Variants in CYB5D1 observed in about 807,000 individuals in gnomAD.
CYB5D1 encodes the protein cytochrome b5 domain containing 1.
In CYB5D1, 30 loss-of-function variants were observed where a neutral mutation model predicts 24.3. The observed-to-expected ratio is 1.23, with a 90% CI of 0.92 to 1.67. CYB5D1 has a LOEUF of 1.67. Ranked by LOEUF, CYB5D1 falls within the 40% of genes most tolerant of loss-of-function variation. The probability of loss-of-function intolerance (pLI) is 0.00; values close to 1 mark genes in which losing one functional copy is unlikely to be tolerated. For synonymous variants in CYB5D1, 128 were observed against 123.2 expected, an observed-to-expected ratio of 1.04 and a Z score of -0.26; for missense variants, 265 against 296.7, an observed-to-expected ratio of 0.89 and a Z score of 0.79.
At position 7,861,272 on chromosome 17, in the gene CYB5D1, T is replaced by C. The variant is rs1279100873; in HGVS notation, c.*1660T>C. The C allele has an allele frequency of 2.6e-5, 4 of 152,088 alleles. No individual in the cohort carries two copies. The highest frequency in any genetic ancestry group is 5.9e-5 in the Non-Finnish European group (4 of 68,022). The allele number at this position is 152,088 out of a possible 1,614,324, so 9.4% of individuals were successfully genotyped here. On this transcript the variant is annotated 3_prime_UTR_variant, in exon 4 of 4. Coordinates refer to ENST00000332439, the MANE Select transcript of CYB5D1 (RefSeq NM_144607.6). ...GCCCCTGTGAGATACTGGTGGGCTA[T>C]ATAGGCATTTTCTGAGGGGCTTTGG...
Position 7,858,144 on chromosome 17 carries a change from CGG to C in CYB5D1, c.13_14del (p.Gly5ProfsTer24). The part of the protein sequence containing the change: MPR[R>X]GLVAGPDLEY... ...CGACAGAGCAAGAGCCATGCCGCGC[CGG>C]GGCCTGGTGGCTGGGCCAGACTTGG... On this transcript the variant is annotated frameshift_variant, in exon 1 of 4. Transcript: ENST00000332439. LOFTEE classifies it high-confidence loss of function. The C allele has an allele frequency of 6.2e-7, 1 of 1,613,512 alleles. No homozygotes were observed. Among genetic ancestry groups the C allele is most frequent in the Non-Finnish European group, 8.5e-7 (1 of 1,179,920 alleles).
rs2078865332 is a variant in CYB5D1 at position 7,859,375 on chromosome 17, T to C, written c.457-7T>C. The C allele has an allele frequency of 5.0e-6, 8 of 1,611,458 alleles. No individual in the cohort carries two copies. The highest frequency in any genetic ancestry group is 6.8e-6 in the Non-Finnish European group (8 of 1,177,828). Reference sequence around the variant, plus strand: ...TTCTGGGGGTGGGGTGCTTCTGTGTTCTCCAGGTGGGGGTTCTGGAGTCCA... The same window carrying C: ...TTCTGGGGGTGGGGTGCTTCTGTGTCCTCCAGGTGGGGGTTCTGGAGTCCA... On this transcript the variant is annotated splice_polypyrimidine_tract_variant and splice_region_variant and intron_variant, in intron 3 of 3. Coordinates refer to ENST00000332439, the MANE Select transcript of CYB5D1 (RefSeq NM_144607.6).
chr17:7,859,911 A>G lies in CYB5D1; in HGVS notation c.*299A>G. The G allele has an allele frequency of 2.6e-6, 1 of 381,072 alleles. No individual in the cohort carries two copies. Among genetic ancestry groups the G allele is most frequent in the Non-Finnish European group, 4.8e-6 (1 of 206,206 alleles). The allele number at this position is 381,072 out of a possible 1,614,324, so 23.6% of individuals were successfully genotyped here. On this transcript the variant is annotated 3_prime_UTR_variant, in exon 4 of 4. Transcript: ENST00000332439. The stretch of plus-strand genomic sequence containing the variant: ...GGCAGAACTGTTTGATAGTTAAGAG[A>G]GAGTAGTTCTACAGGGGTGAGGGAT...
At position 7,858,496 on chromosome 17, in the gene CYB5D1, C is replaced by T. The variant is rs758150610; in HGVS notation, c.237+17C>T. On this transcript the variant is annotated intron_variant, in intron 2 of 3. Coordinates refer to ENST00000332439, the MANE Select transcript of CYB5D1 (RefSeq NM_144607.6). ...ACCAGAGACGTGAGTTATGCTGGAA[C>T]CTGGGATTGTGGGTAGAGGAAATGG... The T allele has an allele frequency of 6.2e-7, 1 of 1,614,160 alleles. No individual in the cohort carries two copies. Among genetic ancestry groups the T allele is most frequent in the African/African-American group, 1.3e-5 (1 of 75,046 alleles).
Position 7,859,451 on chromosome 17 carries a change from T to C in CYB5D1, c.526T>C (p.Tyr176His), listed in dbSNP as rs528064791. ...CCCCTATAACTCACATGCTGCCAGC[T>C]ACACGTGGAAATATGAAGGGAAGAA... ...YLPYNSHAAS[Y>H]TWKYEGKNLN... is the part of the protein sequence containing the mutation. The change falls in exon 4 of 4, where the codon TAC (tyrosine) becomes CAC (histidine). Residue 176 changes from tyrosine (Y) to histidine (H), a missense_variant. Coordinates refer to ENST00000332439, the MANE Select transcript of CYB5D1 (RefSeq NM_144607.6). 15 of 1,614,116 alleles carry C rather than the reference T, an allele frequency of 9.3e-6. No homozygotes were observed. In the South Asian group the frequency reaches 1.2e-4, roughly 13 times the overall value.
chr17:7,858,349 T>A (rs1327304770), intron 1 of CYB5D1, 54 bp from the exon 2 acceptor site: 2 of 1,614,030 alleles, frequency 1.2e-6, no homozygotes, highest in East Asian at 2.2e-5. Context: ...ACGCGCGCGT[T>A]TGCCTGGTTC....
At position 7,860,717 on chromosome 17, in the gene CYB5D1, T is replaced by C. The variant is rs1597874965; in HGVS notation, c.*1105T>C. 1 of 152,208 alleles carries C rather than the reference T, an allele frequency of 6.6e-6. No individual in the cohort carries two copies. Among genetic ancestry groups the C allele is most frequent in the African/African-American group, 2.4e-5 (1 of 41,434 alleles). The allele number at this position is 152,208 out of a possible 1,614,324, so 9.4% of individuals were successfully genotyped here. ...GGTCCTATTGTATAGTTTGCAGTTA[T>C]TGTCTCTGGAAGGGAGTTTGCAGAG... is the stretch of plus-strand genomic sequence containing the variant. On this transcript the variant is annotated 3_prime_UTR_variant, in exon 4 of 4. Transcript: ENST00000332439.
In CYB5D1 at chr17:7,859,972, T is replaced by C; in HGVS notation, c.*360T>C. On this transcript the variant is annotated 3_prime_UTR_variant, in exon 4 of 4. Coordinates refer to ENST00000332439, the MANE Select transcript of CYB5D1 (RefSeq NM_144607.6). Reference sequence around the variant, plus strand: ...TTTTGGCAATGATGGAAATGAGATGTCTGCAGGAAGATGGGATTTACAAAG... The same window carrying C: ...TTTTGGCAATGATGGAAATGAGATGCCTGCAGGAAGATGGGATTTACAAAG... 4.3e-6 allele frequency: 1 copy of C among 233,516 alleles called. No individual in the cohort carries two copies. Among genetic ancestry groups the C allele is most frequent in the South Asian group, 6.7e-5 (1 of 14,928 alleles). The allele number at this position is 233,516 out of a possible 1,614,324, so 14.5% of individuals were successfully genotyped here.
chr17:7,860,286 G>GGA lies in CYB5D1; in HGVS notation c.*675_*676dup, dbSNP rs2151386799. ...CTCCCATCTCTGCCTTGAGTAGCTG[G>GGA]GACTTCAGGTGCACGCCACAATGCC... On this transcript the variant is annotated 3_prime_UTR_variant, in exon 4 of 4. Transcript: ENST00000332439. The GGA allele has an allele frequency of 6.6e-6, 1 of 152,030 alleles. No individual in the cohort carries two copies. The highest frequency in any genetic ancestry group is 1.9e-4 in the East Asian group (1 of 5,172). 9.4% of individuals were successfully genotyped at this position (152,030 alleles called of 1,614,324 possible). A position where few individuals can be genotyped will look rare whatever the true frequency, so the allele number is the denominator to read the frequency against.
In CYB5D1 at chr17:7,858,130, G is replaced by A; in HGVS notation, c.-5G>A. ...AGAGATCCAGTGACCGACAGAGCAA[G>A]AGCCATGCCGCGCCGGGGCCTGGTG... On this transcript the variant is annotated 5_prime_UTR_variant, in exon 1 of 4. Coordinates refer to ENST00000332439, the MANE Select transcript of CYB5D1 (RefSeq NM_144607.6). 1 of 1,613,300 alleles carries A rather than the reference G, an allele frequency of 6.2e-7. No homozygotes were observed. The highest frequency in any genetic ancestry group is 8.5e-7 in the Non-Finnish European group (1 of 1,179,878).
rs2078886694 is a variant in CYB5D1, at chr17:7,861,998, TGCA to T, written c.*2387_*2389del. The T allele has an allele frequency of 3.3e-5, 5 of 152,362 alleles. No individual in the cohort carries two copies. Among genetic ancestry groups the T allele is most frequent in the Admixed American group, 2.6e-4 (4 of 15,298 alleles). The allele number at this position is 152,362 out of a possible 1,614,324, so 9.4% of individuals were successfully genotyped here. The stretch of plus-strand genomic sequence containing the variant: ...ACCCTCACACACTGTCCTCTCTGCC[TGCA>T]ACACTCTTCCTTTCACTTTCCACCT... On this transcript the variant is annotated 3_prime_UTR_variant, in exon 4 of 4. Transcript: ENST00000332439.
In CYB5D1 at chr17:7,861,785, G is replaced by C. The variant is rs145133723; in HGVS notation, c.*2173G>C. On this transcript the variant is annotated 3_prime_UTR_variant, in exon 4 of 4. Transcript: ENST00000332439. ...ACTTCTGACTTCCATGCTGCAATGA[G>C]AGTCAGCTATGAAAAACAAACCTAA... The C allele has an allele frequency of 1.3e-5, 2 of 152,336 alleles. No individual in the cohort carries two copies. Among genetic ancestry groups the C allele is most frequent in the African/African-American group, 4.8e-5 (2 of 41,556 alleles). The allele number at this position is 152,336 out of a possible 1,614,324, so 9.4% of individuals were successfully genotyped here. A position where few individuals can be genotyped will look rare whatever the true frequency, so the allele number is the denominator to read the frequency against.
chr17:7,858,384 C>T lies in CYB5D1; in HGVS notation c.161-19C>T, dbSNP rs768747948. On this transcript the variant is annotated intron_variant, in intron 1 of 3. Transcript: ENST00000332439. ...CTCGAAGGGCTGGCATTGACAGTGG[C>T]TGTGCTGCTCTTTTCAAGGGAACCT... 2.5e-6 allele frequency: 4 copies of T among 1,614,004 alleles called. No individual in the cohort carries two copies. In the African/African-American group the frequency reaches 4.0e-5, roughly 16 times the overall value.
In CYB5D1 at chr17:7,859,859, G is replaced by C. The variant is rs1040498183; in HGVS notation, c.*247G>C. ...AAGATCAAGTACCTTGGTTTAGGGA[G>C]ATGTAGAAGAGGATAGTCAGAGTTC... On this transcript the variant is annotated 3_prime_UTR_variant, in exon 4 of 4. Coordinates refer to ENST00000332439, the MANE Select transcript of CYB5D1 (RefSeq NM_144607.6). 4.0e-6 allele frequency: 2 copies of C among 504,178 alleles called. No individual in the cohort carries two copies. The highest frequency in any genetic ancestry group is 3.4e-5 in the Admixed American group (1 of 29,432). The allele number at this position is 504,178 out of a possible 1,614,324, so 31.2% of individuals were successfully genotyped here. A position where few individuals can be genotyped will look rare whatever the true frequency, so the allele number is the denominator to read the frequency against.
rs146325540 is a variant in CYB5D1, at chr17:7,859,793, T to G, written c.*181T>G. 1.4e-3 allele frequency: 830 copies of G among 597,622 alleles called. 5 individuals carry two copies. Among genetic ancestry groups the G allele is most frequent in the African/African-American group, 0.014 (739 of 53,970 alleles). 37.0% of individuals were successfully genotyped at this position (597,622 alleles called of 1,614,324 possible). ...ATTCCCTGCCTTCATTACAGTTTGC[T>G]CTGAGAAAATTAGTGAATTAATCTT... is the stretch of plus-strand genomic sequence containing the variant. On this transcript the variant is annotated 3_prime_UTR_variant, in exon 4 of 4. Transcript: ENST00000332439.
Position 7,859,899 on chromosome 17 carries a change from G to C in CYB5D1, c.*287G>C, listed in dbSNP as rs934654547. The C allele has an allele frequency of 7.1e-6, 3 of 420,190 alleles. No individual in the cohort carries two copies. In the South Asian group the frequency reaches 7.7e-5, roughly 11 times the overall value. 26.0% of individuals were successfully genotyped at this position (420,190 alleles called of 1,614,324 possible). On this transcript the variant is annotated 3_prime_UTR_variant, in exon 4 of 4. Coordinates refer to ENST00000332439, the MANE Select transcript of CYB5D1 (RefSeq NM_144607.6). ...AGTCAGAGTTCAGGCAGAACTGTTT[G>C]ATAGTTAAGAGAGAGTAGTTCTACA...
At position 7,858,416 on chromosome 17, in the gene CYB5D1, G is replaced by A; in HGVS notation, c.174G>A (p.Leu58=). The A allele has an allele frequency of 1.2e-6, 2 of 1,614,160 alleles. No individual in the cohort carries two copies. Among genetic ancestry groups the A allele is most frequent in the Non-Finnish European group, 8.5e-7 (1 of 1,180,036 alleles). ...LAQEYKGNLL[L]KPIVEVAGQD... is the part of the protein sequence containing the mutation. ...GCTCTTTTCAAGGGAACCTGCTGCT[G>A]AAACCCATCGTGGAAGTTGCAGGCC... The change falls in exon 2 of 4, where the codon CTG becomes CTA. Residue 58 remains leucine, a synonymous_variant. Coordinates refer to ENST00000332439, the MANE Select transcript of CYB5D1 (RefSeq NM_144607.6).
rs2078846884 is a variant in CYB5D1 at position 7,858,105 on chromosome 17, A to G, written c.-30A>G. The stretch of plus-strand genomic sequence containing the variant: ...GTGCTGAGGAGCAAAGGAGTAACCA[A>G]GAGATCCAGTGACCGACAGAGCAAG... On this transcript the variant is annotated 5_prime_UTR_variant, in exon 1 of 4. Coordinates refer to ENST00000332439, the MANE Select transcript of CYB5D1 (RefSeq NM_144607.6). 7 of 1,612,012 alleles carry G rather than the reference A, an allele frequency of 4.3e-6. 1 individual carries two copies. In the South Asian group the frequency reaches 6.6e-5, roughly 15 times the overall value.
At chr17:7,858,327 G>A (rs1346337224) in intron 1 of CYB5D1, 33 bp downstream of exon 1, 1 of 1,613,778 alleles carries the variant, frequency 6.2e-7, no homozygotes, top group East Asian at 2.2e-5. Flanking sequence ...GGGCCGGAGT[G>A]TGTGTGTGTG....
Sources: gnomAD v4.1 joint callset for allele counts on GRCh38, gnomAD v4.1.1 for gene constraint, MANE v1.5 for transcripts, NCBI Gene and HGNC (gene_info 2026-07-23, HGNC 2026-07-21) for gene names.